NBPF19: variants seen among roughly 807,000 people sequenced by gnomAD.
NBPF19 encodes NBPF member 19.
A neutral mutation model predicts 45.9 loss-of-function variants in NBPF19; 30 were observed. The observed-to-expected ratio is 0.65, with a 90% CI of 0.49 to 0.89. The LOEUF is 0.89. Ranked by LOEUF, NBPF19 falls within the 40% of genes least tolerant of loss-of-function variation. The pLI is 0.00. For synonymous variants in NBPF19, 183 were observed against 181.2 expected, an observed-to-expected ratio of 1.01 and a Z score of -0.08; for missense variants, 495 against 471.8, an observed-to-expected ratio of 1.05 and a Z score of -0.46.
At chr1:149,495,680 CGTGTGTGT>C (rs1220744895) in intron 19 of NBPF19, among the ~76,000 whole-genome samples, 1 of 34,978 alleles carries the variant, frequency 2.9e-5, no homozygotes, top group Non-Finnish European at 5.3e-5. Context: ...TGTGTGTGTG[CGTGTGTGT>C]GTGTGTGTGT....
chr1:149,487,818 T>C (rs1159394888), intron 9 of NBPF19, among the ~76,000 whole-genome samples, 195 bp from the exon 10 acceptor site: 2 of 150,412 alleles, frequency 1.3e-5, no homozygotes, highest in African/African-American at 2.4e-5. Flanking sequence ...TGTGTGTGTG[T>C]GTGTGTCTTT....
chr1:149,528,917 G>C (rs1372411550), intron 61 of NBPF19, among the ~76,000 whole-genome samples: 1 of 127,804 alleles, frequency 7.8e-6, no homozygotes, highest in Non-Finnish European at 1.6e-5. Flanking sequence ...GTGTCACCTG[G>C]ACAATTCACT....
rs1251064249 is a variant in NBPF19 at position 149,555,048 on chromosome 1, A to G, written c.*310A>G. On this transcript the variant is annotated 3_prime_UTR_variant, in exon 94 of 94. Coordinates refer to ENST00000651566, the MANE Select transcript of NBPF19 (RefSeq NM_001351365.2). ...TCCTCAGGGATTTCATTTTGCAGGC[A>G]TGTCTCTGAGCTTCTATACCTGCTC... The G allele has an allele frequency of 8.9e-6, 4 of 449,788 alleles. No individual in the cohort carries two copies. The highest frequency in any genetic ancestry group is 4.8e-5 in the East Asian group (1 of 20,860). The allele number at this position is 449,788 out of a possible 1,614,324, so 27.9% of individuals were successfully genotyped here.
In NBPF19 at chr1:149,554,738, G is replaced by T. The variant is rs1186590274; in HGVS notation, c.11532G>T (p.Ter3844TyrextTer22). ...AGATGTTAGTCATATTCCCACAATA[G>T]GCAGCCCTTACTAAGCCGAGAGATG... is the stretch of plus-strand genomic sequence containing the variant. ...VFQMLVIFPQ[*>Y] is the part of the protein sequence containing the mutation. The change falls in exon 94 of 94, where the codon TAG (stop) becomes TAT (tyrosine). Residue 3844 changes from the stop codon to tyrosine, a stop_lost. Transcript: ENST00000651566. 20 of 1,602,578 alleles carry T rather than the reference G, an allele frequency of 1.2e-5. No individual in the cohort carries two copies. In the African/African-American group the frequency reaches 2.0e-4, roughly 16 times the overall value.
rs1282777786 is a variant in NBPF19 at position 149,488,194 on chromosome 1, C to T, written c.1213+9C>T. On this transcript the variant is annotated intron_variant, in intron 10 of 93. Coordinates refer to ENST00000651566, the MANE Select transcript of NBPF19 (RefSeq NM_001351365.2). The stretch of plus-strand genomic sequence containing the variant: ...GGCTATTGACATGGATGGTGAGTAC[C>T]TTTCTATGAAGGTGATAAGGATCCA... 1.6e-6 allele frequency: 1 copy of T among 627,174 alleles called. No homozygotes were observed. The highest frequency in any genetic ancestry group is 2.8e-6 in the Non-Finnish European group (1 of 352,226). 38.9% of individuals were successfully genotyped at this position (627,174 alleles called of 1,614,324 possible).
Position 149,487,832 on chromosome 1 carries a change from G to T in NBPF19, c.1041-181G>T, listed in dbSNP as rs1428670105. 4.3e-4 allele frequency among the ~76,000 whole-genome samples: 53 copies of T among 122,790 alleles called. 1 individual carries two copies. Among genetic ancestry groups the T allele is most frequent in the African/African-American group, 1.3e-3 (42 of 31,574 alleles). 80.6% of individuals were successfully genotyped at this position (122,790 alleles called of 152,430 possible). The stretch of plus-strand genomic sequence containing the variant: ...GTGTGTGTGTGTGTGTGTCTTTCTC[G>T]TTCATCCTTTTCTACCTGGCCCTAG... On this transcript the variant is annotated intron_variant, in intron 9 of 93. Transcript: ENST00000651566.
At chr1:149,478,717 A>G (rs1361263622) in intron 3 of NBPF19, among the ~76,000 whole-genome samples, 163 bp from the exon 4 acceptor site, 1 of 150,390 alleles carries the variant, frequency 6.6e-6, no homozygotes, top group Non-Finnish European at 1.5e-5. Context: ...CCTGTAGACC[A>G]TTTTCTATTC....
intron 7 of NBPF19, among the ~76,000 whole-genome samples, chr1:149,483,853 G>A (rs1320657286): frequency 2.3e-5 from 1 of 43,880 alleles, no homozygotes; most frequent in African/African-American, 9.5e-5. Flanking sequence ...TGTTGAAGGT[G>A]CTGGAGAGGA....
intron 7 of NBPF19, among the ~76,000 whole-genome samples, chr1:149,484,283 T>C (rs1313777167): frequency 1.1e-5 from 1 of 93,202 alleles, no homozygotes; most frequent in Non-Finnish European, 2.0e-5. Context: ...TACTCACAGG[T>C]GGGAATTGAA....
In NBPF19 at chr1:149,487,327, T is replaced by G. The variant is rs2085595125; in HGVS notation, c.989-5T>G. The G allele has an allele frequency of 6.4e-7, 1 of 1,564,406 alleles. No homozygotes were observed. The highest frequency in any genetic ancestry group is 1.1e-5 in the South Asian group (1 of 90,420). On this transcript the variant is annotated splice_region_variant and splice_polypyrimidine_tract_variant and intron_variant, in intron 8 of 93. Coordinates refer to ENST00000651566, the MANE Select transcript of NBPF19 (RefSeq NM_001351365.2). ...GTAAGAGGGCCCATCTGAATTTATTTGCAGGACATCGCTGGGATCAAGTGA... is the reference window on the plus strand; with the variant it reads ...GTAAGAGGGCCCATCTGAATTTATTGGCAGGACATCGCTGGGATCAAGTGA...
chr1:149,554,813 A>T lies in NBPF19; in HGVS notation c.*75A>T. 18 of 1,599,914 alleles carry T rather than the reference A, an allele frequency of 1.1e-5. No homozygotes were observed. Among genetic ancestry groups the T allele is most frequent in the African/African-American group, 1.3e-5 (1 of 74,508 alleles). On this transcript the variant is annotated 3_prime_UTR_variant, in exon 94 of 94. Coordinates refer to ENST00000651566, the MANE Select transcript of NBPF19 (RefSeq NM_001351365.2). Reference sequence around the variant, plus strand: ...GGCACGTGAAGATTTGAATGAAACTACAGTTCCATTTGGAAGCCCAGACAT... The same window carrying T: ...GGCACGTGAAGATTTGAATGAAACTTCAGTTCCATTTGGAAGCCCAGACAT...
In NBPF19 at chr1:149,554,827, A is replaced by C. The variant is rs1384908750; in HGVS notation, c.*89A>C. 3.8e-6 allele frequency: 6 copies of C among 1,591,414 alleles called. 1 individual carries two copies. The African/African-American group carries it at 6.7e-5, about 18-fold the overall frequency. ...TGAATGAAACTACAGTTCCATTTGG[A>C]AGCCCAGACATAGGATGGGTCAGTG... On this transcript the variant is annotated 3_prime_UTR_variant, in exon 94 of 94. Coordinates refer to ENST00000651566, the MANE Select transcript of NBPF19 (RefSeq NM_001351365.2).
At chr1:149,487,081 G>T (rs1211109518) in intron 8 of NBPF19, among the ~76,000 whole-genome samples, 1 of 150,988 alleles carries the variant, frequency 6.6e-6, no homozygotes, top group Non-Finnish European at 1.5e-5. Flanking sequence ...GCTCATTTGT[G>T]TACATAAACC....
chr1:149,486,048 C>T, intron 7 of NBPF19, 82 bp from the exon 8 acceptor site: 1 of 227,926 alleles, frequency 4.4e-6, no homozygotes, highest in Non-Finnish European at 7.7e-6. Flanking sequence ...ATTCTGTCTC[C>T]CATCAGATCA....
In NBPF19 at chr1:149,479,186, G is replaced by A. The variant is rs2085018033; in HGVS notation, c.493+92G>A. 10 of 1,568,352 alleles carry A rather than the reference G, an allele frequency of 6.4e-6. 2 individuals are homozygous for A. The South Asian group carries it at 1.1e-4, about 17-fold the overall frequency. ...TTTCACAATGACAGTTATATCAGTG[G>A]GGTTTTTTTCTACTACACCTATGTG... On this transcript the variant is annotated intron_variant, in intron 4 of 93. Coordinates refer to ENST00000651566, the MANE Select transcript of NBPF19 (RefSeq NM_001351365.2).
intron 93 of NBPF19, 140 bp downstream of exon 93, chr1:149,554,022 G>A (rs2087120720): frequency 6.7e-6 from 2 of 300,574 alleles, no homozygotes; most frequent in Non-Finnish European, 1.2e-5. Context: ...GGTTTTCATT[G>A]CAGTAGATGT....
At chr1:149,486,731 C>G (rs2085533070) in intron 8 of NBPF19, among the ~76,000 whole-genome samples, 1 of 151,332 alleles carries the variant, frequency 6.6e-6, no homozygotes, top group Non-Finnish European at 1.5e-5. Context: ...GTCTACCTCT[C>G]AGTGAAAGAT....
intron 2 of NBPF19, among the ~76,000 whole-genome samples, chr1:149,476,969 TAAA>T (rs2084874191): frequency 6.6e-6 from 1 of 150,630 alleles, no homozygotes. Flanking sequence ...AAATCAAAAA[TAAA>T]AATAAAAAGC....
chr1:149,487,338 G>A lies in NBPF19; in HGVS notation c.995G>A (p.Arg332His), dbSNP rs1159285890. ...VCMAVDIGRH[R>H]WDQVKKEDQE... ...CATCTGAATTTATTTGCAGGACATC[G>A]CTGGGATCAAGTGAAAAAGGAGGAC... The change falls in exon 9 of 94, where the codon CGC becomes CAC. Residue 332 changes from arginine (R) to histidine (H), a missense_variant. By Grantham distance (29) the Arg-to-His change is conservative. Transcript: ENST00000651566. 3.1e-5 allele frequency: 48 copies of A among 1,564,914 alleles called. 1 individual carries two copies. The highest frequency in any genetic ancestry group is 1.4e-4 in the South Asian group (13 of 90,396).
Sources: gnomAD v4.1 joint callset for allele counts (sites outside exome capture counted in the v4.1 genomes callset) on GRCh38, gnomAD v4.1.1 for gene constraint, MANE v1.5 for transcripts, NCBI Gene and HGNC (gene_info 2026-07-23, HGNC 2026-07-21) for gene names.